The following CDH13 variants were observed in gnomAD, a reference collection of about 807,000 sequenced individuals.
The protein encoded by CDH13 is cadherin-13.
CDH13 carries 24 observed loss-of-function variants against 63.8 expected under a neutral mutation model. The observed-to-expected ratio is 0.38, with a 90% CI of 0.27 to 0.53. CDH13 has a LOEUF of 0.53. CDH13 is among the 20% of genes least tolerant of loss of function. The probability of loss-of-function intolerance (pLI) is 0.85; values close to 1 mark genes in which losing one functional copy is unlikely to be tolerated. For synonymous variants in CDH13, 503 were observed against 355.3 expected (o/e 1.42, Z -4.67); for missense variants, 1,049 against 903.1 (o/e 1.16, Z -2.07).
intron 5 of CDH13, among the ~76,000 whole-genome samples, chr16:83,234,622 T>C (rs1295645722): frequency 6.6e-6 from 1 of 152,138 alleles, no homozygotes; most frequent in African/African-American, 2.4e-5. Flanking sequence ...AATGATCACT[T>C]AGAAGTTAAG....
At chr16:83,413,498 A>C (rs1187160511) in intron 6 of CDH13, among the ~76,000 whole-genome samples, 1 of 152,220 alleles carries the variant, frequency 6.6e-6, no homozygotes, top group Non-Finnish European at 1.5e-5. Context: ...GAATGGAATA[A>C]ATTTCATTAT....
chr16:83,434,698 G>T (rs888566364), intron 6 of CDH13, among the ~76,000 whole-genome samples: 7 of 151,618 alleles, frequency 4.6e-5, no homozygotes, highest in African/African-American at 1.7e-4. Context: ...CAGCCCTGCC[G>T]ATGTCACCCC....
intron 2 of CDH13, among the ~76,000 whole-genome samples, chr16:82,992,345 C>T (rs1401768799): frequency 1.3e-5 from 2 of 152,130 alleles, no homozygotes; most frequent in African/African-American, 4.8e-5. Flanking sequence ...AGTCAATTTT[C>T]AAGACTCCAT....
At chr16:83,010,942 C>A (rs1442609680) in intron 2 of CDH13, among the ~76,000 whole-genome samples, 1 of 152,160 alleles carries the variant, frequency 6.6e-6, no homozygotes, top group African/African-American at 2.4e-5. Flanking sequence ...CAGATGGCTC[C>A]TTCTTTTCTT....
chr16:83,261,706 T>C (rs1907013681), intron 5 of CDH13, among the ~76,000 whole-genome samples: 1 of 61,218 alleles, frequency 1.6e-5, no homozygotes, highest in African/African-American at 5.2e-5. Flanking sequence ...TATTTTCCTC[T>C]TTTTTTTTTT....
chr16:83,277,491 G>A lies in CDH13; in HGVS notation c.636+59994G>A, dbSNP rs1344829337. On this transcript the variant is annotated intron_variant, in intron 5 of 13. Coordinates refer to ENST00000567109, the MANE Select transcript of CDH13 (RefSeq NM_001257.5). ...CCTACAAAGGCTTTAAAAGGGCAAA[G>A]ATTTCTTAAAGTGTGATCAGTGAGA... Among the ~76,000 whole-genome samples, 6 of 152,266 alleles carry A rather than the reference G, an allele frequency of 3.9e-5. No homozygotes were observed. The South Asian group carries it at 6.2e-4, about 16-fold the overall frequency.
At chr16:83,784,637 A>AG (rs1220003203) in intron 13 of CDH13, among the ~76,000 whole-genome samples, 221 of 151,624 alleles carry the variant, frequency 1.5e-3, no homozygotes, top group African/African-American at 5.3e-3. Flanking sequence ...GTCTCAAAAA[A>AG]AAAAAAAAAA....
chr16:83,047,376 T>C lies in CDH13; in HGVS notation c.366+15158T>C, dbSNP rs926569842. On this transcript the variant is annotated intron_variant, in intron 3 of 13. Coordinates refer to ENST00000567109, the MANE Select transcript of CDH13 (RefSeq NM_001257.5). This position sits in a 1 kb window ranked among gnomAD's most constrained non-coding sequence, Gnocchi z 4.9. ...ACAGATAATTGAGACTTGAGTGCTT[T>C]TTTATTCCAAGTCCCTTATTCGATT... 9.9e-5 allele frequency among the ~76,000 whole-genome samples: 15 copies of C among 152,204 alleles called. No individual in the cohort carries two copies. The highest frequency in any genetic ancestry group is 6.5e-4 in the Admixed American group (10 of 15,276).
chr16:82,979,579 C>T (rs1909986230), intron 2 of CDH13, among the ~76,000 whole-genome samples: 1 of 152,102 alleles, frequency 6.6e-6, no homozygotes, highest in South Asian at 2.1e-4. Flanking sequence ...CTGGATGCTG[C>T]CATGTGAAAA....
chr16:82,946,714 C>G (rs1904758605), intron 2 of CDH13, among the ~76,000 whole-genome samples: 1 of 142,358 alleles, frequency 7.0e-6, no homozygotes, highest in South Asian at 2.2e-4. Context: ...GAATGAAACT[C>G]TGTCTCAAAA....
At chr16:83,217,313 A>G in intron 4 of CDH13, 32 bp from the exon 5 acceptor site, 1 of 1,612,170 alleles carries the variant, frequency 6.2e-7, no homozygotes, top group Non-Finnish European at 8.5e-7. Flanking sequence ...TTTTCCAGGC[A>G]GTTTTAAATG....
chr16:82,761,553 G>T (rs16958533), intron 1 of CDH13, among the ~76,000 whole-genome samples: 7,969 of 152,214 alleles, frequency 0.052, 683 homozygotes, highest in African/African-American at 0.18. Flanking sequence ...TTCATCACAT[G>T]GCATTGCATC....
At chr16:83,252,138 G>GTATATA (rs59872467) in intron 5 of CDH13, among the ~76,000 whole-genome samples, 1,532 of 121,012 alleles carry the variant, frequency 0.013, 9 homozygotes, top group Non-Finnish European at 0.019. Context: ...ACATATATAT[G>GTATATA]TATATATATA....
At chr16:82,803,991 A>T (rs1438561825) in intron 1 of CDH13, among the ~76,000 whole-genome samples, 1 of 152,150 alleles carries the variant, frequency 6.6e-6, no homozygotes, top group Admixed American at 6.5e-5. Flanking sequence ...GCACTTTGGG[A>T]GGCTGAGGTG....
intron 3 of CDH13, among the ~76,000 whole-genome samples, chr16:83,033,328 T>A (rs575422104): frequency 6.6e-6 from 1 of 152,152 alleles, no homozygotes; most frequent in Non-Finnish European, 1.5e-5. Context: ...TGTATATGTA[T>A]GTCTATATGT....
chr16:83,256,044 TTTTTC>T (rs1906221637), intron 5 of CDH13, among the ~76,000 whole-genome samples: 1 of 152,164 alleles, frequency 6.6e-6, no homozygotes, highest in African/African-American at 2.4e-5. Flanking sequence ...AGTGATTATT[TTTTTC>T]TTGAGACAGG....
At chr16:83,431,029 C>T (rs2072085874) in intron 6 of CDH13, among the ~76,000 whole-genome samples, 1 of 145,754 alleles carries the variant, frequency 6.9e-6, no homozygotes, top group African/African-American at 2.5e-5. Context: ...CATGTGTTCT[C>T]ATTGTTCAAT....
At chr16:82,861,862 C>A (rs1397021097) in intron 2 of CDH13, among the ~76,000 whole-genome samples, 1 of 152,232 alleles carries the variant, frequency 6.6e-6, no homozygotes, top group Non-Finnish European at 1.5e-5. Flanking sequence ...GGGCTCTTCA[C>A]TGCATCTTTC....
At chr16:82,698,658 C>T (rs2030625583) in intron 1 of CDH13, among the ~76,000 whole-genome samples, 1 of 152,220 alleles carries the variant, frequency 6.6e-6, no homozygotes, top group Non-Finnish European at 1.5e-5. Context: ...AGCAAGCAAT[C>T]TACTGGCCAA....
Sources: gnomAD v4.1 joint callset for allele counts (sites outside exome capture counted in the v4.1 genomes callset) on GRCh38, gnomAD v4.1.1 for gene constraint, Gnocchi (gnomAD v3.1) non-coding constraint, MANE v1.5 for transcripts, NCBI Gene and HGNC (gene_info 2026-07-23, HGNC 2026-07-21) for gene names.